Variants in C12orf42 observed in about 807,000 individuals in gnomAD.
The protein encoded by C12orf42 is chromosome 12 open reading frame 42.
Under a neutral mutation model 21.6 loss-of-function variants are expected in C12orf42, and 25 were observed. That is an observed-to-expected ratio of 1.16 (90% CI 0.84 to 1.62). The LOEUF is 1.62. Among genes scored for constraint, C12orf42 ranks in the 40% most tolerant of loss-of-function variants. The pLI, the probability that C12orf42 is intolerant of heterozygous loss-of-function variation, is 0.00. For synonymous variants in C12orf42, 174 were observed against 175.0 expected (o/e 0.99, Z 0.05); for missense variants, 483 against 459.3 (o/e 1.05, Z -0.47).
At chr12:103,211,457 G>T in the C12orf42 span, among the ~76,000 whole-genome samples, 4 of 152,166 alleles carry the variant, frequency 2.6e-5, no homozygotes, top group Non-Finnish European at 5.9e-5. Flanking sequence ...TATGAAAACT[G>T]TGGCTTCCAT....
chr12:103,089,697 G>GA, the C12orf42 span, among the ~76,000 whole-genome samples: 1 of 151,774 alleles, frequency 6.6e-6, no homozygotes, highest in Admixed American at 6.6e-5. Flanking sequence ...AATTAATTCT[G>GA]AAACATCATG....
chr12:103,067,484 G>C, the C12orf42 span, among the ~76,000 whole-genome samples: 1,221 of 152,282 alleles, frequency 8.0e-3, 14 homozygotes, highest in African/African-American at 0.028. Flanking sequence ...AGCTGGGACA[G>C]AGTTCTCCAG....
At chr12:103,189,343 G>C in the C12orf42 span, among the ~76,000 whole-genome samples, 1 of 152,140 alleles carries the variant, frequency 6.6e-6, no homozygotes, top group African/African-American at 2.4e-5. Context: ...TTCTCTCATG[G>C]GCTTTCATAA....
At chr12:103,441,960 T>C (rs575232836) in intron 2 of C12orf42, among the ~76,000 whole-genome samples, 1 of 152,190 alleles carries the variant, frequency 6.6e-6, no homozygotes, top group South Asian at 2.1e-4. Flanking sequence ...CTGGTCAACA[T>C]AGTGAGACCT....
chr12:103,306,896 G>C (rs915041393), intron 4 of C12orf42, among the ~76,000 whole-genome samples: 1 of 126,946 alleles, frequency 7.9e-6, no homozygotes, highest in African/African-American at 3.6e-5. Context: ...ACACACAAGA[G>C]AATGCCAGTG....
the C12orf42 span, among the ~76,000 whole-genome samples, chr12:103,198,818 T>C: frequency 6.6e-6 from 1 of 152,202 alleles, no homozygotes; most frequent in Non-Finnish European, 1.5e-5. Flanking sequence ...AGGATCTGCA[T>C]CTTCCCTCCA....
chr12:103,498,673 T>C (rs1056164647), upstream of C12orf42, among the ~76,000 whole-genome samples: 8 of 152,144 alleles, frequency 5.3e-5, no homozygotes, highest in Admixed American at 3.9e-4. Flanking sequence ...ATATACACCA[T>C]GGAATACTAT....
chr12:103,237,120 T>C (rs2033492751), downstream of C12orf42, among the ~76,000 whole-genome samples: 1 of 152,216 alleles, frequency 6.6e-6, no homozygotes, highest in African/African-American at 2.4e-5. Context: ...TATTTGAGGT[T>C]AAATCTTGCC....
intron 4 of C12orf42, among the ~76,000 whole-genome samples, chr12:103,290,319 A>G (rs752107369): frequency 1.2e-4 from 19 of 152,196 alleles, no homozygotes; most frequent in Non-Finnish European, 2.1e-4. Flanking sequence ...CCTCTAGCCA[A>G]CTCCTCCATC....
chr12:103,418,925 G>A (rs1206779321), intron 2 of C12orf42, among the ~76,000 whole-genome samples: 1 of 150,806 alleles, frequency 6.6e-6, no homozygotes, highest in East Asian at 1.9e-4. Flanking sequence ...ATGTGCTTCT[G>A]GTAGTCTCAG....
the C12orf42 span, among the ~76,000 whole-genome samples, chr12:103,107,070 A>G: frequency 6.6e-6 from 1 of 151,998 alleles, no homozygotes; most frequent in Non-Finnish European, 1.5e-5. Context: ...CTAGAAAACT[A>G]TCTTAACCTG....
chr12:103,180,401 C>A, the C12orf42 span, among the ~76,000 whole-genome samples: 1 of 152,018 alleles, frequency 6.6e-6, no homozygotes, highest in African/African-American at 2.4e-5. Context: ...TTGGCTGTTA[C>A]AAACTCAAAG....
At chr12:103,419,275 C>G (rs1349298103) in intron 2 of C12orf42, among the ~76,000 whole-genome samples, 2 of 152,262 alleles carry the variant, frequency 1.3e-5, no homozygotes, top group East Asian at 3.9e-4. Flanking sequence ...GGAATTTATT[C>G]TGAAGGCAAT....
intron 10 of C12orf42, among the ~76,000 whole-genome samples, chr12:103,255,778 G>A (rs923461428): frequency 1.5e-4 from 22 of 151,190 alleles, no homozygotes; most frequent in African/African-American, 4.6e-4. Flanking sequence ...ATGGCCGGGC[G>A]CGATGGCTCA....
At chr12:103,166,853 G>A in the C12orf42 span, among the ~76,000 whole-genome samples, 1 of 151,732 alleles carries the variant, frequency 6.6e-6, no homozygotes, top group African/African-American at 2.4e-5. Flanking sequence ...ATGTTGTTCT[G>A]CAATACAAAT....
At chr12:103,311,921 G>C (rs912545626) in intron 4 of C12orf42, among the ~76,000 whole-genome samples, 16 of 152,126 alleles carry the variant, frequency 1.1e-4, no homozygotes, top group African/African-American at 3.4e-4. Flanking sequence ...AGAGATTTCA[G>C]GTGCTATTAT....
rs2037706089 is a variant in C12orf42, at chr12:103,302,117, G to A, written c.1074C>T (p.His358=). The A allele has an allele frequency of 6.2e-7, 1 of 1,611,820 alleles. No homozygotes were observed. Among genetic ancestry groups the A allele is most frequent in the Non-Finnish European group, 8.5e-7 (1 of 1,178,964 alleles). Residue 358 remains histidine, a synonymous_variant, in exon 6 of 6, where the codon CAC becomes CAT. Coordinates refer to ENST00000548883, the MANE Select transcript of C12orf42 (RefSeq NM_198521.5). The part of the protein sequence containing the change: ...QALSRPVVNA[H]LH Reference sequence around the variant, plus strand: ...AATTCCCTCGCAGCGGTCAATGTAAGTGAGCATTCACCACCGGCCTAGAAA... The same window carrying A: ...AATTCCCTCGCAGCGGTCAATGTAAATGAGCATTCACCACCGGCCTAGAAA...
chr12:103,177,122 G>C, the C12orf42 span, among the ~76,000 whole-genome samples: 119 of 149,798 alleles, frequency 7.9e-4, no homozygotes, highest in Admixed American at 2.6e-3. Flanking sequence ...AAGGCAAATG[G>C]AAAAAAAAAA....
the C12orf42 span, among the ~76,000 whole-genome samples, chr12:103,170,826 T>C: frequency 2.0e-5 from 3 of 152,206 alleles, no homozygotes; most frequent in Non-Finnish European, 4.4e-5. Context: ...TGTCTTAAAA[T>C]AACTGACAAT....
Sources: gnomAD v4.1 joint callset for allele counts (sites outside exome capture counted in the v4.1 genomes callset) on GRCh38, gnomAD v4.1.1 for gene constraint, MANE v1.5 for transcripts, NCBI Gene and HGNC (gene_info 2026-07-23, HGNC 2026-07-21) for gene names.